The following RAB10 variants were observed in gnomAD, a reference collection of about 807,000 sequenced individuals.
RAB10 encodes ras-related protein Rab-10.
A neutral mutation model predicts 25.7 loss-of-function variants in RAB10; 5 were observed. The ratio of observed to expected loss-of-function variants is 0.19; its 90% CI spans 0.10 to 0.41. The LOEUF is 0.41. RAB10 is among the 10% of genes least tolerant of loss of function. The pLI is 1.00. For synonymous variants in RAB10, 89 were observed against 86.4 expected, an observed-to-expected ratio of 1.03 and a Z score of -0.16; for missense variants, 103 against 245.8, an observed-to-expected ratio of 0.42 and a Z score of 3.89.
chr2:26,099,514 T>G (rs1419704775), intron 2 of RAB10, among the ~76,000 whole-genome samples: 2 of 148,804 alleles, frequency 1.3e-5, no homozygotes, highest in Non-Finnish European at 3.0e-5. Flanking sequence ...ACTGTATTTC[T>G]GTTTTTTGTT....
chr2:26,063,925 G>A (rs908849633), intron 1 of RAB10, among the ~76,000 whole-genome samples: 39 of 152,242 alleles, frequency 2.6e-4, no homozygotes, highest in African/African-American at 8.7e-4. Flanking sequence ...AGCTGCCCAA[G>A]CAGCTGGGAC....
intron 5 of RAB10, among the ~76,000 whole-genome samples, chr2:26,133,885 G>T (rs891169741): frequency 1.3e-5 from 2 of 152,100 alleles, no homozygotes; most frequent in Non-Finnish European, 2.9e-5. Context: ...TGTTGGCCAG[G>T]CTGGTCTCGA....
intron 1 of RAB10, among the ~76,000 whole-genome samples, chr2:26,054,626 ACT>A (rs1666210552): frequency 6.6e-6 from 1 of 152,176 alleles, no homozygotes; most frequent in Admixed American, 6.6e-5. Context: ...TCAAACATTA[ACT>A]CTCTAAGAGA....
Position 26,060,243 on chromosome 2 carries a change from T to G in RAB10, c.127+25508T>G, listed in dbSNP as rs549918011. Among the ~76,000 whole-genome samples the G allele has an allele frequency of 6.6e-5, 10 of 152,322 alleles. No individual in the cohort carries two copies. In the East Asian group the frequency reaches 1.7e-3, roughly 26 times the overall value. ...ACTGTGTGAAGTGCTTTTATATCTA[T>G]TACTCTTTCATTTTGTTCTCACAGT... On this transcript the variant is annotated intron_variant, in intron 1 of 5. Coordinates refer to ENST00000264710, the MANE Select transcript of RAB10 (RefSeq NM_016131.5).
chr2:26,108,551 C>G (rs1039107964), intron 2 of RAB10, among the ~76,000 whole-genome samples: 1 of 151,200 alleles, frequency 6.6e-6, no homozygotes, highest in Non-Finnish European at 1.5e-5. Context: ...GGTAGTTACA[C>G]AAATCTGTAC....
At chr2:26,051,435 G>C (rs951487746) in intron 1 of RAB10, among the ~76,000 whole-genome samples, 9 of 120,972 alleles carry the variant, frequency 7.4e-5, no homozygotes, top group Middle Eastern at 6.9e-3. Flanking sequence ...ATTTCAGACT[G>C]CACATTCATA....
chr2:26,051,360 GCCCCCCCCC>G (rs34596061), intron 1 of RAB10, among the ~76,000 whole-genome samples: 315 of 7,552 alleles, frequency 0.042, 79 homozygotes, highest in South Asian at 0.097. Flanking sequence ...CTCCCTTTTT[GCCCCCCCCC>G]CCCCCCCCCG....
chr2:26,075,825 C>T (rs1411773333), intron 1 of RAB10, among the ~76,000 whole-genome samples: 3 of 151,866 alleles, frequency 2.0e-5, no homozygotes, highest in African/African-American at 4.8e-5. Flanking sequence ...TGAAAACTTA[C>T]AAATGTCCTT....
At chr2:26,080,945 C>T (rs1165364068) in intron 1 of RAB10, among the ~76,000 whole-genome samples, 1 of 152,162 alleles carries the variant, frequency 6.6e-6, no homozygotes, top group African/African-American at 2.4e-5. Flanking sequence ...TATGGTTTGG[C>T]TGTGTCCCCA....
intron 1 of RAB10, among the ~76,000 whole-genome samples, chr2:26,068,044 A>G (rs1458931016): frequency 6.6e-6 from 1 of 152,150 alleles, no homozygotes; most frequent in African/African-American, 2.4e-5. Flanking sequence ...GTTATTAATT[A>G]ATCTATTTCA....
intron 1 of RAB10, among the ~76,000 whole-genome samples, chr2:26,074,638 C>CA (rs2149271546): frequency 6.6e-6 from 1 of 152,278 alleles, no homozygotes; most frequent in East Asian, 1.9e-4. Flanking sequence ...AGGCTAGTCT[C>CA]AAACTCCTGA....
intron 2 of RAB10, among the ~76,000 whole-genome samples, chr2:26,103,491 A>G (rs1313744822): frequency 6.6e-6 from 1 of 152,154 alleles, no homozygotes; most frequent in East Asian, 1.9e-4. Flanking sequence ...AAGAGTTTGG[A>G]ATTGATTCTG....
In RAB10 at chr2:26,044,302, T is replaced by C. The variant is rs551575909; in HGVS notation, c.127+9567T>C. On this transcript the variant is annotated intron_variant, in intron 1 of 5. Transcript: ENST00000264710. ...CCAGGTGTTAGCTACTGTTAACCAG[T>C]GGTTGTGAATCAAGAGGATCCTTTA... Among the ~76,000 whole-genome samples, 4 of 152,280 alleles carry C rather than the reference T, an allele frequency of 2.6e-5. No individual in the cohort carries two copies. The East Asian group carries it at 7.7e-4, about 29-fold the overall frequency.
chr2:26,047,220 C>T (rs554236797), intron 1 of RAB10, among the ~76,000 whole-genome samples: 2 of 152,108 alleles, frequency 1.3e-5, no homozygotes, highest in African/African-American at 2.4e-5. Context: ...TATAGCCTCC[C>T]GATATTTCTA....
chr2:26,099,353 T>C (rs968693633), intron 2 of RAB10, among the ~76,000 whole-genome samples: 10 of 152,120 alleles, frequency 6.6e-5, no homozygotes, highest in African/African-American at 2.2e-4. Context: ...TTGTTAAGTT[T>C]TGACATACGT....
intron 1 of RAB10, among the ~76,000 whole-genome samples, chr2:26,094,755 C>T (rs932217208): frequency 6.6e-6 from 1 of 152,130 alleles, no homozygotes; most frequent in African/African-American, 2.4e-5. Context: ...GACGGAGTTT[C>T]ACCACATTGG....
chr2:26,059,398 C>T (rs565371058), intron 1 of RAB10, among the ~76,000 whole-genome samples: 9 of 152,254 alleles, frequency 5.9e-5, no homozygotes, highest in African/African-American at 2.2e-4. Flanking sequence ...ACACAATGTA[C>T]TAGAATATAA....
chr2:26,120,837 G>A (rs28405149), intron 3 of RAB10, among the ~76,000 whole-genome samples: 5,156 of 152,018 alleles, frequency 0.034, 302 homozygotes, highest in African/African-American at 0.12. Context: ...TGATCCGCCC[G>A]CCTCGGCCTC....
intron 1 of RAB10, among the ~76,000 whole-genome samples, chr2:26,080,780 G>A (rs1043457389): frequency 5.9e-5 from 9 of 152,090 alleles, no homozygotes; most frequent in Admixed American, 5.2e-4. Flanking sequence ...CATTACAGGC[G>A]CTTGACTCCC....
Sources: allele counts gnomAD v4.1 joint callset (sites outside exome capture counted in the v4.1 genomes callset), GRCh38; gene constraint gnomAD v4.1.1; transcripts MANE v1.5; gene names NCBI Gene and HGNC (gene_info 2026-07-23, HGNC 2026-07-21).